Variants in XYLT1 observed in about 807,000 individuals in gnomAD.
The protein encoded by XYLT1 is beta-D-xylosyltransferase 1.
A neutral mutation model predicts 91.3 loss-of-function variants in XYLT1; 36 were observed. The observed-to-expected ratio is 0.39, with a 90% confidence interval of 0.30 to 0.52. The LOEUF (loss-of-function observed/expected upper bound fraction) is 0.52. XYLT1 is among the 20% of genes least tolerant of loss of function. The pLI, the probability that XYLT1 is intolerant of heterozygous loss-of-function variation, is 0.68. For missense variants in XYLT1, 1,242 were observed against 1,284.5 expected, an observed-to-expected ratio of 0.97 and a Z score of 0.51; for synonymous variants, 588 against 532.0, an observed-to-expected ratio of 1.11 and a Z score of -1.45.
At chr16:17,355,526 C>A (rs927440122) in intron 2 of XYLT1, 1 of 152,178 alleles carries the variant, frequency 6.6e-6, no homozygotes, top group Admixed American at 6.5e-5. Flanking sequence ...AAGGGTAGCA[C>A]ACACATCTCT....
intron 8 of XYLT1, among the ~76,000 whole-genome samples, chr16:17,137,944 AAAAGCTCAGCCCTAGATAT>A (rs2030806831): frequency 6.6e-6 from 1 of 152,174 alleles, no homozygotes; most frequent in Non-Finnish European, 1.5e-5. Flanking sequence ...TCTGAGGTTG[AAAAGCTCAGCCCTAGATAT>A]ATACTTAAAA....
chr16:17,237,557 G>T (rs2033268306), intron 3 of XYLT1, among the ~76,000 whole-genome samples: 1 of 152,190 alleles, frequency 6.6e-6, no homozygotes, highest in South Asian at 2.1e-4. Flanking sequence ...TCTGTGTTGG[G>T]TTTCAGATTA....
intron 1 of XYLT1, among the ~76,000 whole-genome samples, chr16:17,427,973 G>A (rs906688101): frequency 6.6e-6 from 1 of 151,926 alleles, no homozygotes; most frequent in Non-Finnish European, 1.5e-5. Flanking sequence ...CCGGAGAGGC[G>A]GGGGTTTGGA....
intron 3 of XYLT1, among the ~76,000 whole-genome samples, chr16:17,205,073 A>C (rs2032617645): frequency 6.6e-6 from 1 of 152,190 alleles, no homozygotes; most frequent in African/African-American, 2.4e-5. Flanking sequence ...CAGCAGGAGA[A>C]GCTGACTTCA....
At chr16:17,405,215 C>T (rs958980101) in intron 1 of XYLT1, among the ~76,000 whole-genome samples, 3 of 152,206 alleles carry the variant, frequency 2.0e-5, no homozygotes, top group African/African-American at 4.8e-5. Context: ...AGCAGCACAA[C>T]ATGATGCCCT....
chr16:17,266,207 G>C (rs537491967), intron 2 of XYLT1, among the ~76,000 whole-genome samples: 2 of 152,120 alleles, frequency 1.3e-5, no homozygotes, highest in Non-Finnish European at 2.9e-5. Context: ...TTCTCCATTT[G>C]CTGGGGTTCT....
At chr16:17,143,379 G>T (rs764182984) in intron 6 of XYLT1, among the ~76,000 whole-genome samples, 9 of 152,216 alleles carry the variant, frequency 5.9e-5, no homozygotes, top group Admixed American at 1.3e-4. Context: ...AAGTAAGGAC[G>T]AGCTCTGCTC....
intron 2 of XYLT1, among the ~76,000 whole-genome samples, chr16:17,350,533 G>C (rs760388973): frequency 1.3e-5 from 2 of 152,222 alleles, no homozygotes; most frequent in Non-Finnish European, 2.9e-5. Context: ...TAGAGAGGCA[G>C]CAAATCACAG....
At chr16:17,283,513 T>C (rs74010573) in intron 2 of XYLT1, among the ~76,000 whole-genome samples, 409 of 152,304 alleles carry the variant, frequency 2.7e-3, no homozygotes, top group African/African-American at 9.0e-3. Flanking sequence ...GCCATGACAG[T>C]GAGATTCTCA....
At chr16:17,417,133 G>T (rs373575919) in intron 1 of XYLT1, among the ~76,000 whole-genome samples, 1 of 152,192 alleles carries the variant, frequency 6.6e-6, no homozygotes, top group Admixed American at 6.5e-5. Flanking sequence ...ACACCAAAAA[G>T]AAGTCAGGTG....
chr16:17,387,472 G>A (rs1176015759), intron 1 of XYLT1, among the ~76,000 whole-genome samples: 1 of 152,166 alleles, frequency 6.6e-6, no homozygotes, highest in African/African-American at 2.4e-5. Context: ...CAGCTTTCCG[G>A]AGAAGGGCAC....
At chr16:17,186,403 G>A (rs370182100) in intron 5 of XYLT1, among the ~76,000 whole-genome samples, 84 of 151,144 alleles carry the variant, frequency 5.6e-4, no homozygotes, top group Non-Finnish European at 3.7e-4. Context: ...ATGCCCAGCC[G>A]ATTTCTTTAT....
chr16:17,120,329 C>G (rs1191966038), intron 10 of XYLT1, among the ~76,000 whole-genome samples: 1 of 151,686 alleles, frequency 6.6e-6, no homozygotes, highest in African/African-American at 2.4e-5. Context: ...GTTGCTTTAC[C>G]TGTCCTGGAG....
chr16:17,198,535 C>A, intron 4 of XYLT1, 121 bp from the exon 5 acceptor site: 3 of 925,060 alleles, frequency 3.2e-6, no homozygotes, highest in Non-Finnish European at 4.8e-6. Flanking sequence ...AGCACAGTGG[C>A]CTTTGCCAAG....
chr16:17,232,729 G>C (rs939868938), intron 3 of XYLT1, among the ~76,000 whole-genome samples: 1 of 151,800 alleles, frequency 6.6e-6, no homozygotes, highest in Non-Finnish European at 1.5e-5. Context: ...GGCAGTGGTA[G>C]AGGTGATAGT....
chr16:17,376,715 T>A (rs375112272), intron 1 of XYLT1, among the ~76,000 whole-genome samples: 1 of 150,224 alleles, frequency 6.7e-6, no homozygotes, highest in Non-Finnish European at 1.5e-5. Flanking sequence ...TAATCCCAGC[T>A]ACTTAGAAAG....
chr16:17,226,707 C>T lies in XYLT1; in HGVS notation c.914-26053G>A, dbSNP rs140301440. ...CTGAGGTGGGAGGATGGCTTGAGCCCAGGAGGCAGAGATTGCAGTGAGCCG... is the reference window on the plus strand; with the variant it reads ...CTGAGGTGGGAGGATGGCTTGAGCCTAGGAGGCAGAGATTGCAGTGAGCCG... On this transcript the variant is annotated intron_variant, in intron 3 of 11. Transcript: ENST00000261381. Among the ~76,000 whole-genome samples the T allele has an allele frequency of 2.6e-3, 394 of 151,826 alleles. 3 individuals carry two copies. Among genetic ancestry groups the T allele is most frequent in the African/African-American group, 9.3e-3 (384 of 41,376 alleles).
In XYLT1 at chr16:17,102,080, G is replaced by T. The variant is rs1487031888; in HGVS notation, c.*6615C>A. On this transcript the variant is annotated 3_prime_UTR_variant, in exon 12 of 12. Coordinates refer to ENST00000261381, the MANE Select transcript of XYLT1 (RefSeq NM_022166.4). ...GGAGGTTGTTGCTATAATCCAGTTA[G>T]AAGATGACAGCAGTTTTTATGAGGG... 1 of 152,196 alleles carries T rather than the reference G, an allele frequency of 6.6e-6. No individual in the cohort carries two copies. The highest frequency in any genetic ancestry group is 6.5e-5 in the Admixed American group (1 of 15,278). The allele number at this position is 152,196 out of a possible 1,614,324, so 9.4% of individuals were successfully genotyped here.
intron 1 of XYLT1, among the ~76,000 whole-genome samples, chr16:17,454,831 T>C (rs1363033177): frequency 2.0e-5 from 3 of 146,786 alleles, no homozygotes; most frequent in Non-Finnish European, 4.4e-5. Flanking sequence ...TGAGCCACCA[T>C]GCCCAGTCAA....
Sources: allele counts gnomAD v4.1 joint callset (sites outside exome capture counted in the v4.1 genomes callset), GRCh38; gene constraint gnomAD v4.1.1; transcripts MANE v1.5; gene names NCBI Gene and HGNC (gene_info 2026-07-23, HGNC 2026-07-21).